Variants in PIEZO2 observed in about 807,000 individuals in gnomAD.
The protein encoded by PIEZO2 is piezo-type mechanosensitive ion channel component 2.
In PIEZO2, 172 loss-of-function variants were observed where a neutral mutation model predicts 337.3. The observed-to-expected ratio is 0.51, with a 90% CI of 0.45 to 0.58. The LOEUF (loss-of-function observed/expected upper bound fraction) is 0.58. Ranked by LOEUF, PIEZO2 falls within the 20% of genes least tolerant of loss-of-function variation. The pLI is 0.00. For synonymous variants in PIEZO2, 1,251 were observed against 1,228.5 expected (o/e 1.02, Z -0.38); for missense variants, 3,028 against 3,391.3 (o/e 0.89, Z 2.66).
chr18:10,839,422 A>G (rs755231848), intron 7 of PIEZO2, among the ~76,000 whole-genome samples: 5 of 152,240 alleles, frequency 3.3e-5, no homozygotes, highest in African/African-American at 4.8e-5. Context: ...CACCCCTGTC[A>G]TCAAAGAGCA....
rs573071392 is a variant in PIEZO2, at chr18:11,125,297, C to G, written c.64+23228G>C. On this transcript the variant is annotated intron_variant, in intron 1 of 55. Transcript: ENST00000674853. This position sits in a 1 kb window ranked among gnomAD's most constrained non-coding sequence, Gnocchi z 4.4. ...AAAGTATGCGAATATGTTTTAAAAA[C>G]TACGATGTGTCCGACAAAAGACAGT... Among the ~76,000 whole-genome samples the G allele has an allele frequency of 6.6e-6, 1 of 152,198 alleles. No individual in the cohort carries two copies. The highest frequency in any genetic ancestry group is 1.5e-5 in the Non-Finnish European group (1 of 68,042).
chr18:10,701,858 T>G, intron 43 of PIEZO2, 131 bp downstream of exon 43: 1 of 610,848 alleles, frequency 1.6e-6, no homozygotes, highest in Non-Finnish European at 2.5e-6. Context: ...AAAAAACATA[T>G]GAGTAGATAC....
At chr18:10,900,343 C>T (rs957250694) in intron 4 of PIEZO2, among the ~76,000 whole-genome samples, 1 of 152,106 alleles carries the variant, frequency 6.6e-6, no homozygotes, top group Non-Finnish European at 1.5e-5. Flanking sequence ...GGGAAAGTTT[C>T]GTTACAATGA....
intron 36 of PIEZO2, among the ~76,000 whole-genome samples, chr18:10,718,622 A>G (rs191606380): frequency 6.6e-6 from 1 of 152,250 alleles, no homozygotes; most frequent in African/African-American, 2.4e-5. Context: ...ATTAACAGTC[A>G]TGCCCATTTG....
rs1030174743 is a variant in PIEZO2 at position 11,001,150 on chromosome 18, G to A, written c.161-21490C>T. On this transcript the variant is annotated intron_variant, in intron 2 of 55. Coordinates refer to ENST00000674853, the MANE Select transcript of PIEZO2 (RefSeq NM_001378183.1). This position sits in a 1 kb window ranked among gnomAD's most constrained non-coding sequence, Gnocchi z 5.3. ...TGTGTCATGCCACAGAGCCATTTTG[G>A]TCATCTTGATCTGGATATTGATTGT... is the stretch of plus-strand genomic sequence containing the variant. Among the ~76,000 whole-genome samples, 4 of 152,132 alleles carry A rather than the reference G, an allele frequency of 2.6e-5. No individual in the cohort carries two copies. The highest frequency in any genetic ancestry group is 9.7e-5 in the African/African-American group (4 of 41,430).
intron 31 of PIEZO2, among the ~76,000 whole-genome samples, chr18:10,743,788 A>C (rs775833622): frequency 1.3e-5 from 2 of 152,214 alleles, no homozygotes; most frequent in Non-Finnish European, 2.9e-5. Context: ...ACAAAAACCC[A>C]GGAAGGCAGA....
rs2042844285 is a variant in PIEZO2 at position 10,894,582 on chromosome 18, A to C, written c.329+16604T>G. The C allele has an allele frequency of 1.3e-5, 2 of 152,238 alleles. No homozygotes were observed. The highest frequency in any genetic ancestry group is 2.4e-5 in the African/African-American group (1 of 41,454). 9.4% of individuals were successfully genotyped at this position (152,238 alleles called of 1,614,324 possible). On this transcript the variant is annotated intron_variant, in intron 4 of 55. Coordinates refer to ENST00000674853, the MANE Select transcript of PIEZO2 (RefSeq NM_001378183.1). This position sits in a 1 kb window ranked among gnomAD's most constrained non-coding sequence, Gnocchi z 4.1. ...AAGACACTGCGCATGCTCTCTTCCC[A>C]AGTGCGGGCAGGCAGCTGTGCATGT...
At chr18:10,922,042 G>A (rs1158472914) in intron 3 of PIEZO2, among the ~76,000 whole-genome samples, 5 of 152,038 alleles carry the variant, frequency 3.3e-5, no homozygotes, top group East Asian at 1.9e-4. Context: ...ATTTTGCCCC[G>A]GTCCTGTGGT....
intron 2 of PIEZO2, among the ~76,000 whole-genome samples, chr18:10,998,284 G>A (rs1478494593): frequency 6.6e-6 from 1 of 151,710 alleles, no homozygotes; most frequent in African/African-American, 2.4e-5. Context: ...AAAAACACGT[G>A]GAATTCATGA....
At chr18:11,049,790 G>T (rs970032487) in intron 2 of PIEZO2, among the ~76,000 whole-genome samples, 2 of 152,098 alleles carry the variant, frequency 1.3e-5, no homozygotes, top group Non-Finnish European at 2.9e-5. Flanking sequence ...CCATGATTGT[G>T]AGGCCTCCCC....
At position 10,773,525 on chromosome 18, in the gene PIEZO2, T is replaced by A; in HGVS notation, c.2672A>T (p.Lys891Met). 6.5e-7 allele frequency: 1 copy of A among 1,537,446 alleles called. No individual in the cohort carries two copies. Among genetic ancestry groups the A allele is most frequent in the Non-Finnish European group, 8.7e-7 (1 of 1,146,952 alleles). Reference protein sequence around the residue: ...VRKLAEPGEEKLEGYSEKAQK... With the variant: ...VRKLAEPGEEMLEGYSEKAQK... ...GGCTTTTTCAGAGTAGCCCTCAAGC[T>A]TCTCCTCCCCAGGCTCAGCCAACTT... Residue 891 changes from lysine to methionine, a missense_variant, in exon 20 of 56, where the codon AAG becomes ATG. Lys to Met is a moderately conservative substitution (Grantham distance 95). Coordinates refer to ENST00000674853, the MANE Select transcript of PIEZO2 (RefSeq NM_001378183.1). The surrounding 1 kb of genome is among the most constrained non-coding windows in gnomAD (Gnocchi z 5.3).
intron 1 of PIEZO2, among the ~76,000 whole-genome samples, chr18:11,113,893 T>A (rs1367179766): frequency 6.6e-6 from 1 of 152,212 alleles, no homozygotes; most frequent in Non-Finnish European, 1.5e-5. Context: ...AGATGTAATT[T>A]TTTAGCATTG....
rs747462206 is a variant in PIEZO2, at chr18:11,069,994, T to C, written c.65-3772A>G. On this transcript the variant is annotated intron_variant, in intron 1 of 55. Coordinates refer to ENST00000674853, the MANE Select transcript of PIEZO2 (RefSeq NM_001378183.1). The surrounding 1 kb of genome is among the most constrained non-coding windows in gnomAD (Gnocchi z 4.9). ...CCTATAAATGGAAGAATATAAAACA[T>C]TGATAATAGAAATTGAAGAAGACAC... is the stretch of plus-strand genomic sequence containing the variant. Among the ~76,000 whole-genome samples, 1 of 152,140 alleles carries C rather than the reference T, an allele frequency of 6.6e-6. No homozygotes were observed. The highest frequency in any genetic ancestry group is 2.4e-5 in the African/African-American group (1 of 41,438).
At chr18:11,008,867 G>C (rs944512761) in intron 2 of PIEZO2, among the ~76,000 whole-genome samples, 3 of 152,160 alleles carry the variant, frequency 2.0e-5, no homozygotes, top group Non-Finnish European at 4.4e-5. Context: ...TTTCCAAGAA[G>C]TGTGTGTTGT....
In PIEZO2 at chr18:10,895,441, G is replaced by A. The variant is rs532356563; in HGVS notation, c.329+15745C>T. The stretch of plus-strand genomic sequence containing the variant: ...AGCCTGGGCAACAGAGCAAGACTCC[G>A]TCTCAAAAATAATAATAATAATAGT... On this transcript the variant is annotated intron_variant, in intron 4 of 55. Transcript: ENST00000674853. The surrounding 1 kb of genome is among the most constrained non-coding windows in gnomAD (Gnocchi z 4.8). 5.9e-5 allele frequency among the ~76,000 whole-genome samples: 9 copies of A among 152,010 alleles called. No individual in the cohort carries two copies. Among genetic ancestry groups the A allele is most frequent in the East Asian group, 3.9e-4 (2 of 5,156 alleles).
chr18:11,037,196 T>A (rs1297058308), intron 2 of PIEZO2, among the ~76,000 whole-genome samples: 1 of 152,154 alleles, frequency 6.6e-6, no homozygotes, highest in Admixed American at 6.5e-5. Flanking sequence ...TTTTAAAGCA[T>A]CCTTCGCCTC....
At chr18:10,793,808 A>G (rs9954451) in intron 13 of PIEZO2, among the ~76,000 whole-genome samples, 25,464 of 152,088 alleles carry the variant, frequency 0.17, 2,456 homozygotes, top group East Asian at 0.39. Flanking sequence ...TGGTCCATGA[A>G]CACAGGGGTT....
chr18:10,758,139 C>A lies in PIEZO2; in HGVS notation c.3758-5G>T, dbSNP rs1475018471. On this transcript the variant is annotated splice_region_variant and splice_polypyrimidine_tract_variant and intron_variant, in intron 26 of 55. Transcript: ENST00000674853. ...ACAGAAGCAGCATGAAGTCATCTAACAAGACAGAGGTGAGATCATTAAGCC... is the reference window on the plus strand; with the variant it reads ...ACAGAAGCAGCATGAAGTCATCTAAAAAGACAGAGGTGAGATCATTAAGCC... 8 of 1,537,034 alleles carry A rather than the reference C, an allele frequency of 5.2e-6. No homozygotes were observed. The Admixed American group carries it at 1.6e-4, about 30-fold the overall frequency.
At chr18:10,864,583 A>T (rs1320283106) in intron 5 of PIEZO2, among the ~76,000 whole-genome samples, 1 of 152,266 alleles carries the variant, frequency 6.6e-6, no homozygotes, top group Admixed American at 6.5e-5. Context: ...TTATCCTGGC[A>T]CATAGTAGGC....
Sources: gnomAD v4.1 joint callset for allele counts (sites outside exome capture counted in the v4.1 genomes callset) on GRCh38, gnomAD v4.1.1 for gene constraint, Gnocchi (gnomAD v3.1) non-coding constraint, MANE v1.5 for transcripts, NCBI Gene and HGNC (gene_info 2026-07-23, HGNC 2026-07-21) for gene names.